Variants in CLSTN2 observed in about 807,000 individuals in gnomAD.
CLSTN2 encodes calsyntenin-2.
A neutral mutation model predicts 101.2 loss-of-function variants in CLSTN2; 48 were observed. That is an observed-to-expected ratio of 0.47 (90% CI 0.38 to 0.60). The LOEUF (loss-of-function observed/expected upper bound fraction) is 0.60, where lower values mean the gene tolerates loss of function less well. Among genes scored for constraint, CLSTN2 ranks in the 20% least tolerant of loss-of-function variants. CLSTN2 has a pLI of 0.00. For missense variants in CLSTN2, 1,160 were observed against 1,238.2 expected, an observed-to-expected ratio of 0.94 and a Z score of 0.95; for synonymous variants, 481 against 463.6, an observed-to-expected ratio of 1.04 and a Z score of -0.48.
chr3:140,337,134 G>A (rs1174584209), intron 2 of CLSTN2, among the ~76,000 whole-genome samples: 1 of 152,188 alleles, frequency 6.6e-6, no homozygotes, highest in Non-Finnish European at 1.5e-5. Flanking sequence ...TAATTCTAGA[G>A]CCTCAGTAAC....
At chr3:140,479,767 G>C (rs1254347318) in intron 8 of CLSTN2, among the ~76,000 whole-genome samples, 1 of 152,060 alleles carries the variant, frequency 6.6e-6, no homozygotes, top group Non-Finnish European at 1.5e-5. Context: ...CAAAGGACAG[G>C]AAAAAGTGAA....
At chr3:140,242,940 A>G (rs2086483396) in intron 2 of CLSTN2, among the ~76,000 whole-genome samples, 1 of 152,172 alleles carries the variant, frequency 6.6e-6, no homozygotes, top group Non-Finnish European at 1.5e-5. Context: ...TGGCTACTGC[A>G]CTTCCTATGT....
intron 5 of CLSTN2, among the ~76,000 whole-genome samples, chr3:140,446,758 C>A (rs2108007600): frequency 6.6e-6 from 1 of 152,278 alleles, no homozygotes; most frequent in East Asian, 1.9e-4. Flanking sequence ...TGAGGCTTCC[C>A]CCAATGCATT....
At chr3:140,255,183 T>C (rs1003276133) in intron 2 of CLSTN2, among the ~76,000 whole-genome samples, 2 of 152,164 alleles carry the variant, frequency 1.3e-5, no homozygotes, top group African/African-American at 4.8e-5. Flanking sequence ...GAGAAGGGAA[T>C]GCTTATACGC....
At chr3:140,061,457 C>T (rs1200439977) in intron 1 of CLSTN2, among the ~76,000 whole-genome samples, 1 of 152,130 alleles carries the variant, frequency 6.6e-6, no homozygotes, top group Admixed American at 6.5e-5. Flanking sequence ...CCTAGGAGAC[C>T]TCATGGCTGT....
chr3:140,518,048 C>T (rs974501632), intron 8 of CLSTN2, among the ~76,000 whole-genome samples: 6 of 152,108 alleles, frequency 3.9e-5, no homozygotes, highest in African/African-American at 1.4e-4. Flanking sequence ...GACTGTCTCT[C>T]CTGTGTCACG....
At chr3:140,179,492 G>A (rs1402507444) in intron 2 of CLSTN2, among the ~76,000 whole-genome samples, 1 of 150,148 alleles carries the variant, frequency 6.7e-6, no homozygotes, top group Non-Finnish European at 1.5e-5. Context: ...AATTAGCTGG[G>A]TGTGTTGGCA....
chr3:140,125,667 G>A (rs141616150), intron 1 of CLSTN2, among the ~76,000 whole-genome samples: 3 of 152,238 alleles, frequency 2.0e-5, no homozygotes, highest in Non-Finnish European at 4.4e-5. Context: ...AGTGTTGTCT[G>A]CAGTGCTGAT....
intron 2 of CLSTN2, among the ~76,000 whole-genome samples, chr3:140,342,584 G>A (rs1027310497): frequency 2.6e-5 from 4 of 152,124 alleles, no homozygotes; most frequent in African/African-American, 9.7e-5. Flanking sequence ...CTATTGCCAT[G>A]TAACAACGCA....
At chr3:140,475,787 C>A (rs1933970832) in intron 8 of CLSTN2, among the ~76,000 whole-genome samples, 1 of 152,216 alleles carries the variant, frequency 6.6e-6, no homozygotes, top group Non-Finnish European at 1.5e-5. Flanking sequence ...TCAGGCTGTA[C>A]ATCTGCCCAG....
intron 1 of CLSTN2, among the ~76,000 whole-genome samples, chr3:140,112,491 T>C (rs1194093695): frequency 6.6e-6 from 1 of 152,116 alleles, no homozygotes; most frequent in African/African-American, 2.4e-5. Context: ...CATGGAGAAA[T>C]CTCAGCACGT....
chr3:140,145,974 T>A (rs2107811472), intron 1 of CLSTN2, among the ~76,000 whole-genome samples: 1 of 152,332 alleles, frequency 6.6e-6, no homozygotes, highest in Admixed American at 6.5e-5. Flanking sequence ...AAGCCTACCT[T>A]GTTTCTGGGA....
chr3:139,936,416 T>G (rs1163229333), intron 1 of CLSTN2, among the ~76,000 whole-genome samples: 1 of 152,170 alleles, frequency 6.6e-6, no homozygotes. Flanking sequence ...GGCGCACAGC[T>G]TAGTGATAAC....
intron 1 of CLSTN2, among the ~76,000 whole-genome samples, chr3:140,104,504 T>TAAGACTATA (rs2009020724): frequency 6.6e-6 from 1 of 152,246 alleles, no homozygotes; most frequent in East Asian, 1.9e-4. Context: ...TATAGTAGTG[T>TAAGACTATA]TAGTTCTTGG....
chr3:140,450,409 CAT>C (rs1040390107), intron 6 of CLSTN2, among the ~76,000 whole-genome samples: 1 of 152,202 alleles, frequency 6.6e-6, no homozygotes, highest in Non-Finnish European at 1.5e-5. Context: ...AGAAGTGCCT[CAT>C]GTGCTTAGTA....
intron 1 of CLSTN2, among the ~76,000 whole-genome samples, chr3:140,097,643 C>T (rs1418677557): frequency 6.6e-6 from 1 of 152,128 alleles, no homozygotes; most frequent in Non-Finnish European, 1.5e-5. Context: ...ATGATGGGGG[C>T]GGTCAGAGAG....
At chr3:140,292,627 A>G (rs902645694) in intron 2 of CLSTN2, among the ~76,000 whole-genome samples, 1 of 152,246 alleles carries the variant, frequency 6.6e-6, no homozygotes, top group African/African-American at 2.4e-5. Flanking sequence ...CAAGTTGCAC[A>G]GTCAGAAAAC....
intron 1 of CLSTN2, among the ~76,000 whole-genome samples, chr3:140,007,436 G>A (rs889964350): frequency 6.6e-6 from 1 of 152,182 alleles, no homozygotes; most frequent in African/African-American, 2.4e-5. Context: ...GCTGCATTTC[G>A]ACGGGGCAGC....
intron 1 of CLSTN2, among the ~76,000 whole-genome samples, chr3:139,999,804 T>C (rs1401515182): frequency 6.6e-6 from 1 of 152,034 alleles, no homozygotes; most frequent in Non-Finnish European, 1.5e-5. Context: ...GAATTATATG[T>C]ATGGTCTAGG....
Sources: allele counts gnomAD v4.1 joint callset (sites outside exome capture counted in the v4.1 genomes callset), GRCh38; gene constraint gnomAD v4.1.1; transcripts MANE v1.5; gene names NCBI Gene and HGNC (gene_info 2026-07-23, HGNC 2026-07-21).